The following GPHN variants were observed in gnomAD, a reference collection of about 807,000 sequenced individuals.
GPHN encodes gephyrin.
GPHN carries 17 observed loss-of-function variants against 95.5 expected under a neutral mutation model. The observed-to-expected ratio is 0.18, with a 90% confidence interval of 0.12 to 0.27. The LOEUF is 0.27. Ranked by LOEUF, GPHN falls within the 10% of genes least tolerant of loss-of-function variation. GPHN has a pLI of 1.00. For missense variants in GPHN, 660 were observed against 978.1 expected, an observed-to-expected ratio of 0.67 and a Z score of 4.34; for synonymous variants, 320 against 322.5, an observed-to-expected ratio of 0.99 and a Z score of 0.08.
chr14:66,758,147 AAAG>A (rs2058632619), intron 2 of GPHN, among the ~76,000 whole-genome samples: 1 of 152,240 alleles, frequency 6.6e-6, no homozygotes, highest in East Asian at 1.9e-4. Flanking sequence ...AGGTATATAT[AAAG>A]TAGGTGAAGG....
At chr14:66,781,768 CA>C (rs1415043992) in intron 3 of GPHN, among the ~76,000 whole-genome samples, 1 of 152,120 alleles carries the variant, frequency 6.6e-6, no homozygotes, top group Non-Finnish European at 1.5e-5. Flanking sequence ...ATCACTGAGA[CA>C]TCCTACTGTT....
intron 10 of GPHN, among the ~76,000 whole-genome samples, chr14:67,033,159 A>G (rs2074268099): frequency 6.6e-6 from 1 of 152,226 alleles, no homozygotes; most frequent in Non-Finnish European, 1.5e-5. Context: ...GAGGGGTTCA[A>G]CAATTACTTG....
intron 17 of GPHN, among the ~76,000 whole-genome samples, chr14:67,137,141 G>A (rs1324351606): frequency 6.6e-6 from 1 of 150,936 alleles, no homozygotes; most frequent in Non-Finnish European, 1.5e-5. Context: ...GGGTGACAGA[G>A]CAAGAATCTG....
At chr14:67,589,425 C>T in the GPHN span, 1 of 985,122 alleles carries the variant, frequency 1.0e-6, no homozygotes, top group Non-Finnish European at 1.2e-6. Context: ...AGCTTTTGAA[C>T]TGATATAAAA....
the GPHN span, among the ~76,000 whole-genome samples, chr14:67,687,477 T>C: frequency 6.7e-6 from 1 of 150,040 alleles, no homozygotes; most frequent in East Asian, 2.0e-4. Flanking sequence ...CTTTTTTTTT[T>C]TTTTTTTTTT....
the GPHN span, among the ~76,000 whole-genome samples, chr14:67,262,457 ACT>A: frequency 1.3e-5 from 2 of 151,952 alleles, no homozygotes; most frequent in Middle Eastern, 3.2e-3. Context: ...GTATTTTAAA[ACT>A]CTGTTTGGCT....
At chr14:66,582,940 A>G (rs962367630) in intron 1 of GPHN, among the ~76,000 whole-genome samples, 16 of 152,074 alleles carry the variant, frequency 1.1e-4, no homozygotes, top group East Asian at 3.9e-4. Flanking sequence ...TCTAGTTCTA[A>G]ATCCCTGAGG....
the GPHN span, among the ~76,000 whole-genome samples, chr14:67,400,059 C>T: frequency 6.6e-6 from 1 of 152,262 alleles, no homozygotes; most frequent in Non-Finnish European, 1.5e-5. Flanking sequence ...ATCTCTGGTG[C>T]TATGATTCTA....
At chr14:66,976,918 G>T (rs1406264571) in intron 9 of GPHN, among the ~76,000 whole-genome samples, 1 of 133,300 alleles carries the variant, frequency 7.5e-6, no homozygotes, top group Admixed American at 7.4e-5. Context: ...AAATATGTGG[G>T]GGGGGGGGGA....
chr14:67,584,872 T>C, the GPHN span, among the ~76,000 whole-genome samples: 2 of 152,224 alleles, frequency 1.3e-5, no homozygotes, highest in Non-Finnish European at 2.9e-5. Context: ...GCTATGAAGA[T>C]GTACAGAGGT....
chr14:66,561,657 T>C (rs1043770394), intron 1 of GPHN, among the ~76,000 whole-genome samples: 2 of 152,190 alleles, frequency 1.3e-5, no homozygotes, highest in African/African-American at 4.8e-5. Flanking sequence ...TATATATGTG[T>C]ATTATTTCTA....
intron 10 of GPHN, among the ~76,000 whole-genome samples, chr14:67,048,694 A>T (rs532868915): frequency 6.6e-6 from 1 of 152,354 alleles, no homozygotes; most frequent in South Asian, 2.1e-4. Flanking sequence ...TTTACCAAAC[A>T]AGCTAGTCTA....
intron 10 of GPHN, among the ~76,000 whole-genome samples, chr14:67,036,501 GCACACACACACACA>G (rs762967467): frequency 8.5e-4 from 100 of 118,180 alleles, no homozygotes; most frequent in African/African-American, 2.5e-3. Context: ...ATACATACAT[GCACACACACACACA>G]CACACACACA....
chr14:67,164,769 G>C (rs1176178095), intron 19 of GPHN, among the ~76,000 whole-genome samples: 1 of 152,110 alleles, frequency 6.6e-6, no homozygotes, highest in Admixed American at 6.5e-5. Context: ...TGGGATTACA[G>C]GTGTGAGCCA....
intron 1 of GPHN, among the ~76,000 whole-genome samples, chr14:66,678,901 G>T (rs1487083870): frequency 6.6e-6 from 1 of 152,180 alleles, no homozygotes; most frequent in Non-Finnish European, 1.5e-5. Context: ...TGGAGTCAGC[G>T]ACAAGACTTT....
the GPHN span, among the ~76,000 whole-genome samples, chr14:67,305,665 A>G: frequency 6.6e-6 from 1 of 152,244 alleles, no homozygotes; most frequent in East Asian, 1.9e-4. Context: ...TTTCATGGAT[A>G]GAATTAATCG....
intron 1 of GPHN, among the ~76,000 whole-genome samples, chr14:66,671,208 A>G (rs1225462314): frequency 1.3e-5 from 2 of 152,200 alleles, no homozygotes; most frequent in African/African-American, 4.8e-5. Flanking sequence ...ATCATTTGGA[A>G]TACATTTTTA....
At chr14:66,584,760 C>CT (rs2061350009) in intron 1 of GPHN, among the ~76,000 whole-genome samples, 1 of 152,066 alleles carries the variant, frequency 6.6e-6, no homozygotes, top group African/African-American at 2.4e-5. Flanking sequence ...GGTGGATAAG[C>CT]TTTTTGATGT....
chr14:66,801,419 A>T (rs543709645), intron 3 of GPHN, among the ~76,000 whole-genome samples: 7 of 152,314 alleles, frequency 4.6e-5, no homozygotes, highest in African/African-American at 1.2e-4. Flanking sequence ...TAACGCTGAG[A>T]TTCTTGCAGA....
Sources: allele counts gnomAD v4.1 joint callset (sites outside exome capture counted in the v4.1 genomes callset), GRCh38; gene constraint gnomAD v4.1.1; transcripts MANE v1.5; gene names NCBI Gene and HGNC (gene_info 2026-07-23, HGNC 2026-07-21).